The following CFAP20DC variants were observed in gnomAD, a reference collection of about 807,000 sequenced individuals.
CFAP20DC encodes the protein CFAP20 domain containing, also known as protein CFAP20DC.
A neutral mutation model predicts 101.7 loss-of-function variants in CFAP20DC; 84 were observed. The observed-to-expected ratio is 0.83, with a 90% CI of 0.69 to 0.99. The LOEUF (loss-of-function observed/expected upper bound fraction) is 0.99, where lower values mean the gene tolerates loss of function less well. CFAP20DC is among the 50% of genes least tolerant of loss of function. The probability of loss-of-function intolerance (pLI) is 0.00; values close to 1 mark genes in which losing one functional copy is unlikely to be tolerated. For synonymous variants in CFAP20DC, 359 were observed against 351.2 expected (o/e 1.02, Z -0.25); for missense variants, 1,007 against 970.3 (o/e 1.04, Z -0.50).
chr3:58,976,531 G>C (rs748178048), intron 4 of CFAP20DC, among the ~76,000 whole-genome samples: 3 of 152,160 alleles, frequency 2.0e-5, no homozygotes, highest in South Asian at 4.1e-4. Flanking sequence ...AGGTGGAATT[G>C]GTTTTAAATT....
chr3:58,781,970 A>G (rs989077922), intron 15 of CFAP20DC, among the ~76,000 whole-genome samples: 1 of 152,042 alleles, frequency 6.6e-6, no homozygotes, highest in Non-Finnish European at 1.5e-5. Context: ...TGACACAACA[A>G]AGATAAGAAA....
intron 15 of CFAP20DC, among the ~76,000 whole-genome samples, chr3:58,755,646 C>G (rs59764429): frequency 0.083 from 12,634 of 152,130 alleles, 897 homozygotes; most frequent in East Asian, 0.35. Flanking sequence ...CTTTTCAGCA[C>G]TAGCTATGAA....
intron 4 of CFAP20DC, among the ~76,000 whole-genome samples, chr3:58,983,137 T>C (rs957340744): frequency 1.3e-5 from 2 of 152,288 alleles, no homozygotes. Context: ...AAATGATAAA[T>C]CATTACAGTT....
intron 4 of CFAP20DC, among the ~76,000 whole-genome samples, chr3:59,033,887 A>T (rs941271216): frequency 6.6e-6 from 1 of 152,200 alleles, no homozygotes; most frequent in African/African-American, 2.4e-5. Flanking sequence ...CAACCCCAAG[A>T]CACATAATTA....
rs908458682 is a variant in CFAP20DC, at chr3:58,728,595, A to G, written c.198-10967T>C. ...ATTATTCTGTGCTGAGCTAGCACAG[A>G]ATTAAGTCAGTAACTTAAAAACATA... On this transcript the variant is annotated intron_variant, in intron 3 of 3. Coordinates refer to the CFAP20DC transcript ENST00000486145. The surrounding 1 kb of genome is among the most constrained non-coding windows in gnomAD (Gnocchi z 4.7). Among the ~76,000 whole-genome samples the G allele has an allele frequency of 6.6e-6, 1 of 152,200 alleles. No individual in the cohort carries two copies. Among genetic ancestry groups the G allele is most frequent in the Non-Finnish European group, 1.5e-5 (1 of 68,030 alleles).
In CFAP20DC at chr3:58,954,635, C is replaced by T. The variant is rs553220277; in HGVS notation, c.279-16873G>A. Reference sequence around the variant, plus strand: ...CTGTGGCCTCCCTTACACATTCATTCTAATGTTGCATGATTAGTATAGGGA... The same window carrying T: ...CTGTGGCCTCCCTTACACATTCATTTTAATGTTGCATGATTAGTATAGGGA... On this transcript the variant is annotated intron_variant, in intron 4 of 16. Coordinates refer to ENST00000482387, the MANE Select transcript of CFAP20DC (RefSeq NM_001394063.1). Among the ~76,000 whole-genome samples, 329 of 152,278 alleles carry T rather than the reference C, an allele frequency of 2.2e-3. 2 individuals carry two copies. Among genetic ancestry groups the T allele is most frequent in the Non-Finnish European group, 2.8e-3 (188 of 68,026 alleles).
At chr3:58,794,447 G>C (rs1016935042) in intron 15 of CFAP20DC, 5 of 394,226 alleles carry the variant, frequency 1.3e-5, no homozygotes, top group Middle Eastern at 3.8e-4. Flanking sequence ...AAACAGCCTG[G>C]ACTGTTGACT....
intron 14 of CFAP20DC, among the ~76,000 whole-genome samples, chr3:58,817,318 A>G (rs994671686): frequency 2.0e-5 from 3 of 152,158 alleles, no homozygotes; most frequent in Non-Finnish European, 4.4e-5. Flanking sequence ...GAGAGAAGAA[A>G]GCTTCAGACG....
chr3:58,753,160 G>A (rs1405957823), intron 16 of CFAP20DC, among the ~76,000 whole-genome samples: 4 of 152,126 alleles, frequency 2.6e-5, no homozygotes, highest in African/African-American at 9.7e-5. Context: ...CGAACACCTG[G>A]CAAATTTTCA....
chr3:58,775,822 C>G (rs1339154427), intron 15 of CFAP20DC, among the ~76,000 whole-genome samples: 1 of 150,850 alleles, frequency 6.6e-6, no homozygotes, highest in South Asian at 2.1e-4. Flanking sequence ...CTCGTCTCAC[C>G]ACAACCTCCA....
intron 14 of CFAP20DC, among the ~76,000 whole-genome samples, chr3:58,814,199 A>C (rs1575728268): frequency 1.3e-5 from 2 of 151,848 alleles, no homozygotes; most frequent in South Asian, 2.1e-4. Flanking sequence ...TATACTATTA[A>C]TTCTACTTAC....
chr3:58,870,083 TTCCCTCCC>T, intron 8 of CFAP20DC, 82 bp downstream of exon 8: 1 of 883,826 alleles, frequency 1.1e-6, no homozygotes, highest in Non-Finnish European at 1.8e-6. Flanking sequence ...CTGTCTGTCT[TTCCCTCCC>T]TCCCTCCCTC....
At chr3:58,753,936 A>G in intron 15 of CFAP20DC, 73 bp from the exon 16 acceptor site, 1 of 1,031,986 alleles carries the variant, frequency 9.7e-7, no homozygotes, top group Non-Finnish European at 1.5e-6. Context: ...ATGGATTTTC[A>G]GTTCCTTGGG....
chr3:58,906,716 T>C (rs566847615), intron 6 of CFAP20DC, among the ~76,000 whole-genome samples: 31 of 152,176 alleles, frequency 2.0e-4, no homozygotes, highest in African/African-American at 7.0e-4. Flanking sequence ...CACTTGAGTC[T>C]AGGAGTTCAA....
chr3:58,738,204 C>T (rs1365033563), downstream of CFAP20DC, among the ~76,000 whole-genome samples: 1 of 151,852 alleles, frequency 6.6e-6, no homozygotes, highest in Non-Finnish European at 1.5e-5. This position sits in a 1 kb window ranked among gnomAD's most constrained non-coding sequence, Gnocchi z 4.4. Flanking sequence ...TTTTAAGTTC[C>T]AGGGTACATG....
intron 15 of CFAP20DC, among the ~76,000 whole-genome samples, chr3:58,789,514 C>G (rs780990791): frequency 6.6e-6 from 1 of 152,124 alleles, no homozygotes; most frequent in Admixed American, 6.6e-5. Context: ...CAATGATATG[C>G]TAAAAAGGCT....
chr3:58,725,606 G>A (rs1273612643), intron 3 of CFAP20DC, among the ~76,000 whole-genome samples: 5 of 152,208 alleles, frequency 3.3e-5, no homozygotes. Context: ...ACCCACGACA[G>A]TTCCCCAAAG....
intron 3 of CFAP20DC, among the ~76,000 whole-genome samples, chr3:59,040,253 A>C (rs753099445): frequency 2.0e-5 from 3 of 152,050 alleles, no homozygotes; most frequent in Non-Finnish European, 4.4e-5. Flanking sequence ...TTTATTCCCT[A>C]TTACTAGCTT....
At chr3:58,839,545 T>C (rs142276811) in intron 13 of CFAP20DC, among the ~76,000 whole-genome samples, 1 of 152,226 alleles carries the variant, frequency 6.6e-6, no homozygotes, top group Non-Finnish European at 1.5e-5. Context: ...ACCTTTTCCA[T>C]GAAGAGGTGA....
Sources: allele counts gnomAD v4.1 joint callset (sites outside exome capture counted in the v4.1 genomes callset), GRCh38; gene constraint gnomAD v4.1.1; non-coding constraint Gnocchi (gnomAD v3.1); transcripts MANE v1.5; gene names NCBI Gene and HGNC (gene_info 2026-07-23, HGNC 2026-07-21).